Variants in MBOAT1 observed in about 807,000 individuals in gnomAD.
MBOAT1 encodes the protein membrane-bound glycerophospholipid O-acyltransferase 1.
MBOAT1 carries 67 observed loss-of-function variants against 64.4 expected under a neutral mutation model. The observed-to-expected ratio is 1.04, with a 90% CI of 0.85 to 1.27. MBOAT1 has a LOEUF of 1.27. Among genes scored for constraint, MBOAT1 ranks in the 50% most tolerant of loss-of-function variants. The pLI is 0.00. For synonymous variants in MBOAT1, 229 were observed against 218.9 expected (o/e 1.05, Z -0.41); for missense variants, 563 against 604.6 (o/e 0.93, Z 0.72).
At chr6:20,103,844 G>T (rs1759875143) in intron 12 of MBOAT1, among the ~76,000 whole-genome samples, 1 of 152,150 alleles carries the variant, frequency 6.6e-6, no homozygotes, top group African/African-American at 2.4e-5. Flanking sequence ...TTGAGGAAAA[G>T]TTTTCTTAAT....
chr6:20,197,069 G>T (rs897631401), intron 1 of MBOAT1, among the ~76,000 whole-genome samples: 5 of 152,054 alleles, frequency 3.3e-5, no homozygotes, highest in Non-Finnish European at 7.4e-5. Flanking sequence ...TGATAACACT[G>T]GGGTAACCAG....
chr6:20,136,025 C>G (rs1760980510), intron 4 of MBOAT1, among the ~76,000 whole-genome samples: 1 of 152,194 alleles, frequency 6.6e-6, no homozygotes, highest in Non-Finnish European at 1.5e-5. Context: ...TCTGCCTCTC[C>G]TATACCCTCC....
In MBOAT1 at chr6:20,100,955, T is replaced by C. The variant is rs1373567124; in HGVS notation, c.*1331A>G. ...TCATAACAAAGATAGAAAAGAAAAC[T>C]TTCAATGTCTGCTTTCCAATATGAT... On this transcript the variant is annotated 3_prime_UTR_variant, in exon 13 of 13. Transcript: ENST00000324607. Among the ~76,000 whole-genome samples the C allele has an allele frequency of 6.6e-6, 1 of 152,124 alleles. No individual in the cohort carries two copies. Among genetic ancestry groups the C allele is most frequent in the Non-Finnish European group, 1.5e-5 (1 of 68,028 alleles).
chr6:20,175,929 A>G (rs998557162), intron 1 of MBOAT1, among the ~76,000 whole-genome samples: 2 of 152,198 alleles, frequency 1.3e-5, no homozygotes, highest in African/African-American at 4.8e-5. Context: ...TAAAAAATAT[A>G]TATACTTTTC....
chr6:20,196,492 T>C (rs1762958248), intron 1 of MBOAT1, among the ~76,000 whole-genome samples: 1 of 152,110 alleles, frequency 6.6e-6, no homozygotes. Context: ...CTACTAATGA[T>C]CCAAGGTTCT....
intron 6 of MBOAT1, among the ~76,000 whole-genome samples, chr6:20,127,999 T>G: frequency 6.6e-6 from 1 of 152,144 alleles, no homozygotes; most frequent in East Asian, 1.9e-4. Context: ...AATTCCTTAA[T>G]GCAGGAATGA....
chr6:20,153,981 C>A (rs527575864), intron 1 of MBOAT1, among the ~76,000 whole-genome samples: 1 of 152,244 alleles, frequency 6.6e-6, no homozygotes, highest in East Asian at 1.9e-4. Context: ...AAAACTGAAA[C>A]CTCAGTATGA....
At chr6:20,160,720 T>C (rs1014699014) in intron 1 of MBOAT1, among the ~76,000 whole-genome samples, 6 of 152,168 alleles carry the variant, frequency 3.9e-5, no homozygotes, top group African/African-American at 1.2e-4. Flanking sequence ...CAAATAAATG[T>C]AGCTGGGAAA....
chr6:20,211,293 G>T (rs941631748), intron 1 of MBOAT1, among the ~76,000 whole-genome samples: 4 of 152,162 alleles, frequency 2.6e-5, no homozygotes, highest in African/African-American at 9.7e-5. Context: ...AACAAAACAG[G>T]AGCGCAGTGG....
intron 1 of MBOAT1, among the ~76,000 whole-genome samples, chr6:20,193,124 G>C (rs1762855217): frequency 6.9e-6 from 1 of 144,408 alleles, no homozygotes; most frequent in Non-Finnish European, 1.5e-5. Flanking sequence ...TCCTGCCTCA[G>C]CCTCCAGAGT....
intron 1 of MBOAT1, among the ~76,000 whole-genome samples, chr6:20,177,800 T>C (rs1008295194): frequency 2.1e-5 from 3 of 146,226 alleles, no homozygotes; most frequent in East Asian, 4.1e-4. Flanking sequence ...AACAAAAAAC[T>C]TGGTAAATGT....
intron 12 of MBOAT1, among the ~76,000 whole-genome samples, chr6:20,104,568 A>G (rs1759895705): frequency 6.6e-6 from 1 of 152,266 alleles, no homozygotes; most frequent in Admixed American, 6.5e-5. Context: ...AAACAGCTGC[A>G]TTGGCACAAC....
At chr6:20,135,130 A>C (rs1277096157) in intron 4 of MBOAT1, among the ~76,000 whole-genome samples, 1 of 152,034 alleles carries the variant, frequency 6.6e-6, no homozygotes, top group Non-Finnish European at 1.5e-5. Context: ...CAATCATAGG[A>C]TCCACCATCT....
At chr6:20,135,858 A>C (rs1204355595) in intron 4 of MBOAT1, among the ~76,000 whole-genome samples, 1 of 152,204 alleles carries the variant, frequency 6.6e-6, no homozygotes, top group Non-Finnish European at 1.5e-5. Context: ...ATACAGATTC[A>C]ACAAACTTCC....
chr6:20,102,467 C>A, intron 12 of MBOAT1, 55 bp from the exon 13 acceptor site: 2 of 1,450,108 alleles, frequency 1.4e-6, no homozygotes, highest in South Asian at 1.2e-5. Context: ...AGATGGGAAA[C>A]ACCACCTAAT....
chr6:20,175,047 T>G (rs1231629569), intron 1 of MBOAT1, among the ~76,000 whole-genome samples: 1 of 152,112 alleles, frequency 6.6e-6, no homozygotes, highest in African/African-American at 2.4e-5. Context: ...TGGTAGATAC[T>G]AAAGGCAGAA....
At chr6:20,163,233 T>C (rs1247112331) in intron 1 of MBOAT1, among the ~76,000 whole-genome samples, 1 of 152,132 alleles carries the variant, frequency 6.6e-6, no homozygotes, top group Non-Finnish European at 1.5e-5. Flanking sequence ...CAGGGAAGAC[T>C]GTATAAAACT....
chr6:20,185,831 G>A (rs1762635993), intron 1 of MBOAT1, among the ~76,000 whole-genome samples: 1 of 152,128 alleles, frequency 6.6e-6, no homozygotes, highest in South Asian at 2.1e-4. Context: ...AAAACACAGG[G>A]GAAGGTTTGG....
intron 1 of MBOAT1, among the ~76,000 whole-genome samples, chr6:20,176,931 C>A (rs536251833): frequency 6.6e-6 from 1 of 152,138 alleles, no homozygotes; most frequent in Non-Finnish European, 1.5e-5. Context: ...GCCTACTATT[C>A]ATTTTTATTC....
Sources: allele counts gnomAD v4.1 joint callset (sites outside exome capture counted in the v4.1 genomes callset), GRCh38; gene constraint gnomAD v4.1.1; transcripts MANE v1.5; gene names NCBI Gene and HGNC (gene_info 2026-07-23, HGNC 2026-07-21).